Variants in DCBLD1 observed in about 807,000 individuals in gnomAD.
The protein encoded by DCBLD1 is discoidin, CUB and LCCL domain-containing protein 1.
In DCBLD1, 57 loss-of-function variants were observed where a neutral mutation model predicts 71.5. The observed-to-expected ratio is 0.80, with a 90% CI of 0.64 to 0.99. The LOEUF is 0.99. Among genes scored for constraint, DCBLD1 ranks in the 50% least tolerant of loss-of-function variants. The probability of loss-of-function intolerance (pLI) is 0.00; values close to 1 mark genes in which losing one functional copy is unlikely to be tolerated. For missense variants in DCBLD1, 891 were observed against 923.5 expected (o/e 0.96, Z 0.46); for synonymous variants, 380 against 363.8 (o/e 1.04, Z -0.51).
At chr6:117,512,959 A>G (rs566116895) in intron 2 of DCBLD1, among the ~76,000 whole-genome samples, 16 of 152,252 alleles carry the variant, frequency 1.1e-4, no homozygotes, top group Non-Finnish European at 1.8e-4. Context: ...TTTTTCAAAC[A>G]TGTCCCTTCT....
chr6:117,507,083 G>A (rs1230197485), intron 2 of DCBLD1, among the ~76,000 whole-genome samples: 1 of 152,150 alleles, frequency 6.6e-6, no homozygotes, highest in Non-Finnish European at 1.5e-5. Flanking sequence ...ATGTTTTCTG[G>A]CATTAATGTT....
At chr6:117,539,581 AC>A in intron 9 of DCBLD1, 1 of 442,762 alleles carries the variant, frequency 2.3e-6, no homozygotes, top group Non-Finnish European at 3.7e-6. Flanking sequence ...GCAAGACCCC[AC>A]CACTACAAAA....
intron 1 of DCBLD1, among the ~76,000 whole-genome samples, chr6:117,488,230 G>A (rs1049129024): frequency 1.1e-4 from 16 of 152,326 alleles, no homozygotes; most frequent in African/African-American, 2.4e-4. Flanking sequence ...CTGAGTCAGC[G>A]CATGAATGCT....
Position 117,482,817 on chromosome 6 carries a change from G to A in DCBLD1, c.36G>A (p.Ala12=). 1 of 1,163,570 alleles carries A rather than the reference G, an allele frequency of 8.6e-7. No homozygotes were observed. Among genetic ancestry groups the A allele is most frequent in the Non-Finnish European group, 1.1e-6 (1 of 945,238 alleles). The allele number at this position is 1,163,570 out of a possible 1,614,324, so 72.1% of individuals were successfully genotyped here. ...VPGARGGGAL[A]RAAGRGLLAL... Reference sequence around the variant, plus strand: ...GCGCCCGCGGCGGCGGCGCACTGGCGCGGGCTGCCGGGCGGGGCCTCCTGG... The same window carrying A: ...GCGCCCGCGGCGGCGGCGCACTGGCACGGGCTGCCGGGCGGGGCCTCCTGG... Residue 12 remains alanine, a synonymous_variant, in exon 1 of 15, where the codon GCG becomes GCA. Transcript: ENST00000338728.
intron 12 of DCBLD1, 136 bp from the exon 13 acceptor site, chr6:117,544,392 C>A: frequency 1.5e-6 from 1 of 663,940 alleles, no homozygotes; most frequent in Non-Finnish European, 2.3e-6. Flanking sequence ...TTCTAAAGCA[C>A]ATGGCAGCTG....
chr6:117,563,443 C>A (rs1007695978), intron 14 of DCBLD1: 2 of 1,547,072 alleles, frequency 1.3e-6, no homozygotes, highest in South Asian at 2.2e-5. Flanking sequence ...TGGTTTTGGT[C>A]AGGTGCAGTG....
chr6:117,555,946 C>T (rs1779490005), intron 14 of DCBLD1, among the ~76,000 whole-genome samples: 2 of 152,168 alleles, frequency 1.3e-5, no homozygotes, highest in African/African-American at 4.8e-5. Context: ...TGAGTCTTGG[C>T]TCAGACACTT....
At position 117,547,672 on chromosome 6, in the gene DCBLD1, G is replaced by A. The variant is rs747132937; in HGVS notation, c.1616-235G>A. ...CCCCATGCCCCAGGACGTCGTCGTC[G>A]CCCCCATCTCTGAGAAGACCCTGCG... On this transcript the variant is annotated intron_variant, in intron 14 of 14. Transcript: ENST00000338728. 2.3e-5 allele frequency: 19 copies of A among 822,488 alleles called. No individual in the cohort carries two copies. In the South Asian group the frequency reaches 2.6e-4, roughly 11 times the overall value. The allele number at this position is 822,488 out of a possible 1,614,324, so 50.9% of individuals were successfully genotyped here. A position where few individuals can be genotyped will look rare whatever the true frequency, so the allele number is the denominator to read the frequency against.
chr6:117,561,410 T>C (rs1405972944), intron 14 of DCBLD1: 1 of 223,796 alleles, frequency 4.5e-6, no homozygotes, highest in Admixed American at 5.7e-5. Context: ...GGCTGTGTTT[T>C]AAGAAGATAA....
chr6:117,537,622 G>T (rs1201976384), intron 7 of DCBLD1, among the ~76,000 whole-genome samples: 570 of 29,740 alleles, frequency 0.019, 4 homozygotes, highest in Non-Finnish European at 0.032. Flanking sequence ...TTAAAAGGTT[G>T]TTTTTTTTTT....
At chr6:117,527,499 T>G (rs1436230194) in intron 5 of DCBLD1, among the ~76,000 whole-genome samples, 1 of 152,206 alleles carries the variant, frequency 6.6e-6, no homozygotes, top group Non-Finnish European at 1.5e-5. Context: ...GTACCCTGTC[T>G]CAGGGAAGAA....
rs536625299 is a variant in DCBLD1, at chr6:117,518,290, C to T, written c.326-1526C>T. ...CAGTTCCCAACCAGTTCTTCATTTCCATCTGAGACCACCTCAGCGTGGACA... is the reference window on the plus strand; with the variant it reads ...CAGTTCCCAACCAGTTCTTCATTTCTATCTGAGACCACCTCAGCGTGGACA... On this transcript the variant is annotated intron_variant, in intron 2 of 14. Transcript: ENST00000338728. 2.6e-5 allele frequency among the ~76,000 whole-genome samples: 4 copies of T among 152,328 alleles called. No individual in the cohort carries two copies. The South Asian group carries it at 8.3e-4, about 32-fold the overall frequency.
In DCBLD1 at chr6:117,549,466, A is replaced by C. The variant is rs1779385885; in HGVS notation, c.*1027A>C. On this transcript the variant is annotated 3_prime_UTR_variant, in exon 15 of 15. Coordinates refer to ENST00000338728, the MANE Select transcript of DCBLD1 (RefSeq NM_001366458.2). ...GGCGTCTGTAATTCCAGAACAGTCC[A>C]GACATCAGCTGTACCTCATGCTCAG... 1 of 985,438 alleles carries C rather than the reference A, an allele frequency of 1.0e-6. No homozygotes were observed. 61.0% of individuals were successfully genotyped at this position (985,438 alleles called of 1,614,324 possible).
intron 2 of DCBLD1, among the ~76,000 whole-genome samples, chr6:117,515,271 C>T (rs1303203930): frequency 1.3e-5 from 2 of 151,866 alleles, no homozygotes; most frequent in African/African-American, 4.8e-5. Flanking sequence ...CTCCGCTCAC[C>T]TTGGCCTCCC....
intron 3 of DCBLD1, 28 bp from the exon 4 acceptor site, chr6:117,521,497 T>G: frequency 6.5e-7 from 1 of 1,540,758 alleles, no homozygotes; most frequent in Non-Finnish European, 8.8e-7. Flanking sequence ...TTCATTCTAT[T>G]AATTGCAATT....
Position 117,538,632 on chromosome 6 carries a change from C to G in DCBLD1, c.773C>G (p.Ser258Cys). 1.2e-6 allele frequency: 2 copies of G among 1,613,868 alleles called. No homozygotes were observed. The highest frequency in any genetic ancestry group is 1.7e-6 in the Non-Finnish European group (2 of 1,179,976). The part of the protein sequence containing the change: ...FLFTSNGCSR[S>C]LSFEPDGQIR... ...ACTCTTTTTTCAGGTTGCAGCAGAT[C>G]CTTGAGTTTTGAACCTGACGGGCAA... The change falls in exon 8 of 15, where the codon TCC becomes TGC. Residue 258 changes from serine to cysteine, a missense_variant. Ser to Cys is a moderately radical substitution (Grantham distance 112). Transcript: ENST00000338728.
intron 13 of DCBLD1, 69 bp from the exon 14 acceptor site, chr6:117,545,409 G>T: frequency 6.3e-7 from 1 of 1,577,808 alleles, no homozygotes; most frequent in Non-Finnish European, 8.6e-7. Context: ...ACTCATCAAG[G>T]AACATGTTCT....
At chr6:117,521,339 C>A (rs899202260) in intron 3 of DCBLD1, among the ~76,000 whole-genome samples, 186 bp from the exon 4 acceptor site, 1 of 152,050 alleles carries the variant, frequency 6.6e-6, no homozygotes, top group Non-Finnish European at 1.5e-5. Flanking sequence ...AAAAAAGAAA[C>A]GAAAGGAACT....
At chr6:117,483,939 A>ATGG in intron 1 of DCBLD1, among the ~76,000 whole-genome samples, 1 of 152,168 alleles carries the variant, frequency 6.6e-6, no homozygotes. Context: ...GATACTCGAG[A>ATGG]TGGTGGTGGT....
Sources: allele counts gnomAD v4.1 joint callset (sites outside exome capture counted in the v4.1 genomes callset), GRCh38; gene constraint gnomAD v4.1.1; transcripts MANE v1.5; gene names NCBI Gene and HGNC (gene_info 2026-07-23, HGNC 2026-07-21).